The following PDZRN3 variants were observed in gnomAD, a reference collection of about 807,000 sequenced individuals.
The protein encoded by PDZRN3 is PDZ domain containing ring finger 3.
A neutral mutation model predicts 85.7 loss-of-function variants in PDZRN3; 38 were observed. The ratio of observed to expected loss-of-function variants is 0.44; its 90% confidence interval spans 0.34 to 0.58. PDZRN3 has a LOEUF of 0.58. PDZRN3 is among the 20% of genes least tolerant of loss of function. PDZRN3 has a pLI of 0.01. For synonymous variants in PDZRN3, 759 were observed against 638.0 expected, an observed-to-expected ratio of 1.19 and a Z score of -2.86; for missense variants, 1,629 against 1,506.4, an observed-to-expected ratio of 1.08 and a Z score of -1.35.
intron 3 of PDZRN3, among the ~76,000 whole-genome samples, chr3:73,564,373 A>G (rs1342629369): frequency 2.6e-5 from 4 of 152,148 alleles, no homozygotes; most frequent in Admixed American, 1.3e-4. Flanking sequence ...ACTGACAGCC[A>G]TGTGGCCTCA....
chr3:73,486,882 T>G (rs1370220701), intron 3 of PDZRN3, among the ~76,000 whole-genome samples: 1 of 152,214 alleles, frequency 6.6e-6, no homozygotes, highest in Admixed American at 6.5e-5. Flanking sequence ...ACTGGAGAGA[T>G]ATAAATAAAT....
In PDZRN3 at chr3:73,568,037, G is replaced by A. The variant is rs538236567; in HGVS notation, c.918+34317C>T. ...GGGAAAAGCAGTTTAACCTCCAATA[G>A]AGAAATCAGGCATGGCTTCTTTTGA... On this transcript the variant is annotated intron_variant, in intron 3 of 9. Coordinates refer to ENST00000263666, the MANE Select transcript of PDZRN3 (RefSeq NM_015009.3). Among the ~76,000 whole-genome samples the A allele has an allele frequency of 4.6e-5, 7 of 152,310 alleles. 1 individual carries two copies. In the South Asian group the frequency reaches 1.5e-3, roughly 32 times the overall value.
chr3:73,384,577 G>C lies in PDZRN3; in HGVS notation c.1989C>G (p.Gly663=). ...KCQVKSATPY[G]LYYPSGPLDA... ...CCAGGGGGCCGCTAGGGTAGTACAG[G>C]CCGTAAGGGGTGGCGCTCTTCACCT... Residue 663 remains glycine (G), a synonymous_variant, in exon 10 of 10, where the codon GGC becomes GGG. Transcript: ENST00000263666. 1 of 1,613,732 alleles carries C rather than the reference G, an allele frequency of 6.2e-7. No homozygotes were observed. Among genetic ancestry groups the C allele is most frequent in the Non-Finnish European group, 8.5e-7 (1 of 1,180,044 alleles).
In PDZRN3 at chr3:73,584,452, GGTGTGTGTGT is replaced by G. The variant is rs56393203; in HGVS notation, c.918+17892_918+17901del. Among the ~76,000 whole-genome samples, 460 of 83,976 alleles carry G rather than the reference GGTGTGTGTGT, an allele frequency of 5.5e-3. 5 individuals are homozygous for G. The highest frequency in any genetic ancestry group is 0.018 in the African/African-American group (432 of 24,204). The allele number at this position is 83,976 out of a possible 152,430, so 55.1% of individuals were successfully genotyped here. On this transcript the variant is annotated intron_variant, in intron 3 of 9. Transcript: ENST00000263666. Reference sequence around the variant, plus strand: ...CAAGTTAAGTGGTGCTTCATTTAATGGTGTGTGTGTGTGTGTGTGTGTGTGTGTGTGTGTG... The same window carrying G: ...CAAGTTAAGTGGTGCTTCATTTAATGGTGTGTGTGTGTGTGTGTGTGTGTG...
intron 3 of PDZRN3, among the ~76,000 whole-genome samples, chr3:73,436,599 A>G (rs1361329420): frequency 2.0e-5 from 3 of 150,080 alleles, no homozygotes; most frequent in African/African-American, 7.6e-5. Flanking sequence ...CCTAAGCTAC[A>G]TGATTAGGGA....
chr3:73,503,053 T>A (rs900051621), intron 3 of PDZRN3, among the ~76,000 whole-genome samples: 1 of 152,232 alleles, frequency 6.6e-6, no homozygotes, highest in Non-Finnish European at 1.5e-5. Flanking sequence ...TCATGGATAG[T>A]AGTTTTGTTG....
intron 1 of PDZRN3, among the ~76,000 whole-genome samples, chr3:73,616,876 G>C (rs964839626): frequency 2.0e-5 from 3 of 152,068 alleles, no homozygotes; most frequent in Non-Finnish European, 4.4e-5. Context: ...GCCTCCCAGG[G>C]GCCCTCAACA....
intron 3 of PDZRN3, among the ~76,000 whole-genome samples, chr3:73,566,148 T>G (rs1233471971): frequency 6.6e-6 from 1 of 152,212 alleles, no homozygotes; most frequent in Admixed American, 6.5e-5. Context: ...ATTTTTGTTG[T>G]AAGAGAGAGA....
intron 3 of PDZRN3, among the ~76,000 whole-genome samples, chr3:73,500,737 A>C (rs1703961547): frequency 6.6e-6 from 1 of 152,072 alleles, no homozygotes; most frequent in Non-Finnish European, 1.5e-5. Flanking sequence ...AAACCACCTA[A>C]AAATTTATTC....
chr3:73,602,382 C>T lies in PDZRN3; in HGVS notation c.890G>A (p.Gly297Asp), dbSNP rs762166932. ...AATAATCCTGTCATGAATTTGCAGG[C>T]CTCCTTCCTTGGCTGCAGGCCCACT... Reference protein sequence around the residue: ...VDSGPAAKEGGLQIHDRIIEV... With the variant: ...VDSGPAAKEGDLQIHDRIIEV... Residue 297 changes from glycine to aspartate, a missense_variant, in exon 3 of 10, where the codon GGC (glycine) becomes GAC (aspartate). Physicochemically the swap from Gly to Asp is moderately conservative, Grantham distance 94. Coordinates refer to ENST00000263666, the MANE Select transcript of PDZRN3 (RefSeq NM_015009.3). 14 of 1,603,480 alleles carry T rather than the reference C, an allele frequency of 8.7e-6. No homozygotes were observed. In the East Asian group the frequency reaches 2.9e-4, roughly 33 times the overall value.
chr3:73,547,219 T>C (rs942957988), intron 3 of PDZRN3, among the ~76,000 whole-genome samples: 2 of 152,226 alleles, frequency 1.3e-5, no homozygotes, highest in Non-Finnish European at 2.9e-5. Flanking sequence ...GGTTGACTCA[T>C]TTCATTTCTG....
At chr3:73,403,733 G>T (rs1422637541) in intron 4 of PDZRN3, among the ~76,000 whole-genome samples, 1 of 152,176 alleles carries the variant, frequency 6.6e-6, no homozygotes, top group East Asian at 1.9e-4. Flanking sequence ...GGCTTGAAAT[G>T]AGACCCAAGA....
intron 3 of PDZRN3, among the ~76,000 whole-genome samples, chr3:73,473,037 G>GTGTA (rs1305316471): frequency 1.3e-5 from 2 of 152,202 alleles, no homozygotes; most frequent in Non-Finnish European, 2.9e-5. Context: ...AAACTTGGAT[G>GTGTA]TGTACACCTG....
chr3:73,529,441 C>A (rs1051254386), intron 3 of PDZRN3, among the ~76,000 whole-genome samples: 4 of 152,180 alleles, frequency 2.6e-5, no homozygotes, highest in African/African-American at 9.7e-5. Flanking sequence ...CAGTCCCCAC[C>A]CCTCCCCCTA....
At chr3:73,573,228 C>T (rs1232227523) in intron 3 of PDZRN3, among the ~76,000 whole-genome samples, 3 of 152,176 alleles carry the variant, frequency 2.0e-5, no homozygotes, top group African/African-American at 7.2e-5. Context: ...TCTCCAGGGC[C>T]TTCAGTTGCC....
In PDZRN3 at chr3:73,567,180, A is replaced by T. The variant is rs577940917; in HGVS notation, c.918+35174T>A. 2.2e-3 allele frequency among the ~76,000 whole-genome samples: 341 copies of T among 152,298 alleles called. 1 individual carries two copies. Among genetic ancestry groups the T allele is most frequent in the African/African-American group, 7.8e-3 (325 of 41,566 alleles). On this transcript the variant is annotated intron_variant, in intron 3 of 9. Coordinates refer to ENST00000263666, the MANE Select transcript of PDZRN3 (RefSeq NM_015009.3). ...ACACAATGTAAAAGCAACATGTTAT[A>T]AGAATCTGGTAGTTTGATCAACATG...
chr3:73,624,877 T>C lies in PDZRN3; in HGVS notation c.-52A>G. Reference sequence around the variant, plus strand: ...GCCGGGCGGCCGGGCGCCCCCTCCCTCCCCACGAGGCGGCCCAGACAGGCC... The same window carrying C: ...GCCGGGCGGCCGGGCGCCCCCTCCCCCCCCACGAGGCGGCCCAGACAGGCC... On this transcript the variant is annotated 5_prime_UTR_variant, in exon 1 of 10. Transcript: ENST00000263666. 1 of 1,255,692 alleles carries C rather than the reference T, an allele frequency of 8.0e-7. No homozygotes were observed. Among genetic ancestry groups the C allele is most frequent in the South Asian group, 3.0e-5 (1 of 33,580 alleles). The allele number at this position is 1,255,692 out of a possible 1,614,324, so 77.8% of individuals were successfully genotyped here.
chr3:73,555,121 G>C (rs1363934287), intron 3 of PDZRN3, among the ~76,000 whole-genome samples: 1 of 152,068 alleles, frequency 6.6e-6, no homozygotes, highest in Non-Finnish European at 1.5e-5. Flanking sequence ...CCAATGTGTT[G>C]TTATTTTTTG....
At chr3:73,517,020 C>A (rs1704268429) in intron 3 of PDZRN3, among the ~76,000 whole-genome samples, 2 of 152,168 alleles carry the variant, frequency 1.3e-5, no homozygotes, top group African/African-American at 2.4e-5. Context: ...AACCCAAATT[C>A]CATCACGAAA....
Sources: gnomAD v4.1 joint callset for allele counts (sites outside exome capture counted in the v4.1 genomes callset) on GRCh38, gnomAD v4.1.1 for gene constraint, MANE v1.5 for transcripts, NCBI Gene and HGNC (gene_info 2026-07-23, HGNC 2026-07-21) for gene names.